The following DPYD variants were observed in gnomAD, a reference collection of about 807,000 sequenced individuals.
DPYD encodes the protein dihydropyrimidine dehydrogenase, also known as dihydropyrimidine dehydrogenase [NADP(+)].
A neutral mutation model predicts 116.2 loss-of-function variants in DPYD; 109 were observed. The observed-to-expected ratio is 0.94, with a 90% confidence interval of 0.80 to 1.10. The LOEUF is 1.10. DPYD is among the 50% of genes least tolerant of loss of function. DPYD has a pLI of 0.00. For missense variants in DPYD, 1,302 were observed against 1,254.5 expected (o/e 1.04, Z -0.57); for synonymous variants, 440 against 432.0 (o/e 1.02, Z -0.23).
chr1:97,751,951 C>T (rs1204090623), intron 3 of DPYD, among the ~76,000 whole-genome samples: 1 of 151,890 alleles, frequency 6.6e-6, no homozygotes, highest in African/African-American at 2.4e-5. Flanking sequence ...TTATTAGAGA[C>T]TTTCACCACG....
At chr1:97,444,518 G>A (rs1476383650) in intron 14 of DPYD, among the ~76,000 whole-genome samples, 1 of 152,046 alleles carries the variant, frequency 6.6e-6, no homozygotes, top group Non-Finnish European at 1.5e-5. Context: ...TATAGGTCAA[G>A]AGCCATAAAT....
At chr1:97,234,773 ATT>A (rs544905665) in intron 19 of DPYD, 77 bp downstream of exon 19, 3 of 1,367,340 alleles carry the variant, frequency 2.2e-6, no homozygotes, top group Non-Finnish European at 3.0e-6. Context: ...AAACGAATCT[ATT>A]TTTTTTTTGT....
At chr1:97,445,047 C>T (rs1462895780) in intron 14 of DPYD, among the ~76,000 whole-genome samples, 1 of 152,102 alleles carries the variant, frequency 6.6e-6, no homozygotes, top group Admixed American at 6.6e-5. Flanking sequence ...GTTCTCAGTG[C>T]CACAAGGATC....
chr1:97,817,220 A>G (rs1399029792), intron 3 of DPYD, among the ~76,000 whole-genome samples: 1 of 152,024 alleles, frequency 6.6e-6, no homozygotes. Context: ...CTAAAAATAC[A>G]TGCTATCTGG....
At chr1:97,135,049 G>C in intron 20 of DPYD, among the ~76,000 whole-genome samples, 1 of 151,930 alleles carries the variant, frequency 6.6e-6, no homozygotes, top group East Asian at 1.9e-4. Flanking sequence ...CAGCCTAAAA[G>C]ACAGCTTAAT....
intron 2 of DPYD, among the ~76,000 whole-genome samples, chr1:97,831,202 T>C (rs956655773): frequency 6.6e-6 from 1 of 152,262 alleles, no homozygotes; most frequent in Non-Finnish European, 1.5e-5. Context: ...ATTTGAATTA[T>C]ATTTCAGACA....
At chr1:97,271,314 G>A (rs1234778697) in intron 18 of DPYD, among the ~76,000 whole-genome samples, 2 of 152,128 alleles carry the variant, frequency 1.3e-5, no homozygotes, top group Non-Finnish European at 1.5e-5. Context: ...GTAGTGTAGA[G>A]AATGGACAGA....
At chr1:97,287,812 AT>A (rs1665820573) in intron 18 of DPYD, among the ~76,000 whole-genome samples, 1 of 151,874 alleles carries the variant, frequency 6.6e-6, no homozygotes, top group African/African-American at 2.4e-5. Flanking sequence ...GAGTGACCTG[AT>A]TTTCCAGGTG....
chr1:97,234,732 T>C, intron 19 of DPYD, 120 bp downstream of exon 19: 2 of 1,251,884 alleles, frequency 1.6e-6, no homozygotes, highest in East Asian at 2.5e-5. Context: ...GCCATTTTGA[T>C]CCCAAATGGC....
intron 5 of DPYD, among the ~76,000 whole-genome samples, chr1:97,705,474 T>G (rs1194673726): frequency 6.6e-6 from 1 of 152,144 alleles, no homozygotes; most frequent in African/African-American, 2.4e-5. Context: ...CATCATTTTT[T>G]ATGGCTGCAT....
intron 16 of DPYD, among the ~76,000 whole-genome samples, chr1:97,348,263 T>A (rs865833606): frequency 2.6e-5 from 4 of 152,280 alleles, no homozygotes; most frequent in Middle Eastern, 3.4e-3. Context: ...TGTTTCATGT[T>A]CTGAATAATT....
chr1:97,555,438 C>T (rs1032634935), intron 11 of DPYD, among the ~76,000 whole-genome samples: 5 of 152,130 alleles, frequency 3.3e-5, no homozygotes, highest in African/African-American at 1.2e-4. Context: ...AATGTCCCTT[C>T]CAAATCATCA....
In DPYD at chr1:97,324,168, C is replaced by A. The variant is rs938694312; in HGVS notation, c.2059-17871G>T. ...AGCCTTTTCGTTTTTTGCCCATTTT[C>A]TAAGCCTGCTGTTCCTGCCTTCTTT... On this transcript the variant is annotated intron_variant, in intron 16 of 22. Coordinates refer to ENST00000370192, the MANE Select transcript of DPYD (RefSeq NM_000110.4). 5.3e-5 allele frequency among the ~76,000 whole-genome samples: 8 copies of A among 151,974 alleles called. No individual in the cohort carries two copies. The Admixed American group carries it at 5.3e-4, about 10-fold the overall frequency.
chr1:97,726,790 C>A (rs1291612237), intron 4 of DPYD, among the ~76,000 whole-genome samples: 1 of 151,000 alleles, frequency 6.6e-6, no homozygotes, highest in Non-Finnish European at 1.5e-5. Flanking sequence ...GTTTCATGGG[C>A]CCCAAATTAG....
intron 3 of DPYD, among the ~76,000 whole-genome samples, chr1:97,770,200 T>G (rs1666068196): frequency 6.6e-6 from 1 of 152,192 alleles, no homozygotes; most frequent in Admixed American, 6.5e-5. Flanking sequence ...AAGATTATTA[T>G]CAGTATGACT....
chr1:97,686,926 C>A (rs1444543363), intron 7 of DPYD, among the ~76,000 whole-genome samples: 2 of 151,980 alleles, frequency 1.3e-5, no homozygotes, highest in African/African-American at 4.8e-5. Flanking sequence ...TGTCCAGAAT[C>A]TACAAGGAAC....
chr1:97,183,810 T>C (rs1252125124), intron 20 of DPYD, among the ~76,000 whole-genome samples: 2 of 152,216 alleles, frequency 1.3e-5, no homozygotes, highest in Non-Finnish European at 2.9e-5. Flanking sequence ...AGGTTTGTAA[T>C]AAAGGTAAAC....
intron 18 of DPYD, among the ~76,000 whole-genome samples, chr1:97,256,635 CT>C (rs1293867440): frequency 6.6e-6 from 1 of 152,096 alleles, no homozygotes; most frequent in Non-Finnish European, 1.5e-5. Flanking sequence ...CATTAAACCT[CT>C]TTCCTGTATA....
chr1:97,159,302 AG>A (rs1655716130), intron 20 of DPYD, among the ~76,000 whole-genome samples: 1 of 152,130 alleles, frequency 6.6e-6, no homozygotes, highest in Admixed American at 6.6e-5. Context: ...TTCATTAGGT[AG>A]GCTTAACAGC....
Sources: gnomAD v4.1 joint callset for allele counts (sites outside exome capture counted in the v4.1 genomes callset) on GRCh38, gnomAD v4.1.1 for gene constraint, MANE v1.5 for transcripts, NCBI Gene and HGNC (gene_info 2026-07-23, HGNC 2026-07-21) for gene names.